The following MYO16 variants were observed in gnomAD, a reference collection of about 807,000 sequenced individuals.
MYO16 encodes the protein myosin XVI.
Under a neutral mutation model 205.3 loss-of-function variants are expected in MYO16, and 94 were observed. The ratio of observed to expected loss-of-function variants is 0.46; its 90% CI spans 0.39 to 0.54. The LOEUF (loss-of-function observed/expected upper bound fraction) is 0.54, where lower values mean the gene tolerates loss of function less well. Among genes scored for constraint, MYO16 ranks in the 20% least tolerant of loss-of-function variants. The probability of loss-of-function intolerance (pLI) is 0.00; values close to 1 mark genes in which losing one functional copy is unlikely to be tolerated. For synonymous variants in MYO16, 988 were observed against 954.0 expected, an observed-to-expected ratio of 1.04 and a Z score of -0.66; for missense variants, 2,315 against 2,387.5, an observed-to-expected ratio of 0.97 and a Z score of 0.63.
chr13:108,587,039 G>T, the MYO16 span, among the ~76,000 whole-genome samples: 1 of 152,292 alleles, frequency 6.6e-6, no homozygotes. Flanking sequence ...AAGGACAAAG[G>T]CTTTATTGGG....
intron 14 of MYO16, among the ~76,000 whole-genome samples, chr13:108,894,611 A>G (rs1880325660): frequency 6.6e-6 from 1 of 152,196 alleles, no homozygotes; most frequent in Non-Finnish European, 1.5e-5. Flanking sequence ...TTTGGTGATT[A>G]TATGCAGGTC....
intron 32 of MYO16, among the ~76,000 whole-genome samples, chr13:109,149,959 A>G (rs1877562699): frequency 6.6e-6 from 1 of 152,208 alleles, no homozygotes; most frequent in Non-Finnish European, 1.5e-5. Context: ...TCACTTGCAG[A>G]GTAGCCCAGC....
chr13:109,030,231 T>G (rs570689577), intron 23 of MYO16, among the ~76,000 whole-genome samples: 2 of 151,288 alleles, frequency 1.3e-5, no homozygotes, highest in Admixed American at 6.6e-5. Context: ...AAGCTCTTGC[T>G]TATAAATATT....
chr13:108,777,219 G>T (rs1345768926), intron 4 of MYO16, among the ~76,000 whole-genome samples: 1 of 152,102 alleles, frequency 6.6e-6, no homozygotes, highest in Non-Finnish European at 1.5e-5. Context: ...GTATTACTGT[G>T]CAATACTCAC....
chr13:108,769,597 T>C (rs1424969981), intron 4 of MYO16, among the ~76,000 whole-genome samples: 1 of 152,194 alleles, frequency 6.6e-6, no homozygotes, highest in Non-Finnish European at 1.5e-5. Context: ...GGCTGTGGTT[T>C]TGATAAACTA....
At chr13:108,802,275 C>T (rs1209878782) in intron 6 of MYO16, among the ~76,000 whole-genome samples, 1 of 152,146 alleles carries the variant, frequency 6.6e-6, no homozygotes, top group Non-Finnish European at 1.5e-5. Context: ...TGGCAACCAT[C>T]ATTCTTCTCT....
At chr13:109,146,075 G>A (rs918151189) in intron 32 of MYO16, among the ~76,000 whole-genome samples, 9 of 152,156 alleles carry the variant, frequency 5.9e-5, no homozygotes, top group African/African-American at 2.2e-4. Context: ...TATAGTAGGT[G>A]GCTATTAAAT....
Position 108,605,983 on chromosome 13 carries a change from A to G in MYO16, c.-39+9744A>G, listed in dbSNP as rs1878943940. On this transcript the variant is annotated intron_variant, in intron 1 of 24. Transcript: ENST00000251041. ...GAAGTCCAGGCTGAGGTAGTCTTAG[A>G]TGCAGATGAGGAACTTCTTGGGAAC... Among the ~76,000 whole-genome samples the G allele has an allele frequency of 2.6e-5, 4 of 152,296 alleles. No individual in the cohort carries two copies. The South Asian group carries it at 8.3e-4, about 32-fold the overall frequency.
intron 24 of MYO16, chr13:109,049,020 G>A (rs893987452): frequency 1.2e-4 from 16 of 138,194 alleles, no homozygotes; most frequent in African/African-American, 4.2e-4. Flanking sequence ...CACAGGAATA[G>A]AAAATTTTAG....
intron 1 of MYO16, among the ~76,000 whole-genome samples, chr13:108,630,457 G>T (rs16972815): frequency 0.04 from 6,022 of 152,246 alleles, 335 homozygotes; most frequent in African/African-American, 0.13. Context: ...TTTGTCACCA[G>T]GTTCTCTTTT....
intron 14 of MYO16, among the ~76,000 whole-genome samples, chr13:108,888,825 C>A (rs1036818486): frequency 6.6e-6 from 1 of 152,060 alleles, no homozygotes; most frequent in African/African-American, 2.4e-5. Flanking sequence ...GAGGCCGAGG[C>A]ATGTGAATCA....
intron 21 of MYO16, among the ~76,000 whole-genome samples, chr13:108,997,324 GAAAGAA>G (rs1885044282): frequency 3.8e-4 from 2 of 5,206 alleles, no homozygotes; most frequent in African/African-American, 1.8e-3. Flanking sequence ...AAGAAAGAAA[GAAAGAA>G]AGAAAGAAAG....
chr13:109,137,011 T>C (rs1265884773), intron 31 of MYO16, among the ~76,000 whole-genome samples: 1 of 152,200 alleles, frequency 6.6e-6, no homozygotes, highest in African/African-American at 2.4e-5. Context: ...AAGGAGCCTC[T>C]CTCATCACTG....
At chr13:108,532,569 G>T in the MYO16 span, among the ~76,000 whole-genome samples, 4 of 151,702 alleles carry the variant, frequency 2.6e-5, no homozygotes, top group Non-Finnish European at 5.9e-5. Context: ...GAGGTGGGAG[G>T]ATTGCTTGAA....
At chr13:109,027,701 G>C (rs1014122609) in intron 23 of MYO16, among the ~76,000 whole-genome samples, 1 of 152,100 alleles carries the variant, frequency 6.6e-6, no homozygotes, top group African/African-American at 2.4e-5. Context: ...AATTTGTCCT[G>C]AAGCTTAAGT....
chr13:108,607,736 G>A lies in MYO16; in HGVS notation c.-39+11497G>A, dbSNP rs116473721. Among the ~76,000 whole-genome samples the A allele has an allele frequency of 2.4e-3, 370 of 152,254 alleles. 1 individual carries two copies. Among genetic ancestry groups the A allele is most frequent in the African/African-American group, 8.4e-3 (350 of 41,558 alleles). On this transcript the variant is annotated intron_variant, in intron 1 of 24. Transcript: ENST00000251041. The stretch of plus-strand genomic sequence containing the variant: ...GTTGGTATAGAAAGAATGGAACCCC[G>A]ACACCTCCACTGCCTCTTGTGGAGC...
In MYO16 at chr13:109,100,839, C is replaced by G. The variant is rs149137447; in HGVS notation, c.3390C>G (p.Ala1130=). ...FLREKKEQSA[A]ERCRLVLQQC... ...GTGAGAAGAAGGAACAGTCAGCTGC[C>G]GAGCGATGTCGACTTGTTCTCCAGC... is the stretch of plus-strand genomic sequence containing the variant. Residue 1130 remains alanine, a synonymous_variant, in exon 28 of 35, where the codon GCC becomes GCG. Coordinates refer to ENST00000457511, the MANE Select transcript of MYO16 (RefSeq NM_001198950.3). The G allele has an allele frequency of 1.3e-5, 21 of 1,613,502 alleles. No individual in the cohort carries two copies. The highest frequency in any genetic ancestry group is 9.3e-5 in the African/African-American group (7 of 74,892).
At position 109,141,347 on chromosome 13, in the gene MYO16, C is replaced by G. The variant is rs751106008; in HGVS notation, c.5135C>G (p.Ala1712Gly). ...GGGAGGAGTGTGCTTCGGAAATCCG[C>G]GGCGGGAAGAAAAATCAGGGAAGCA... ...NSGRSVLRKS[A>G]AGRKIREAEG... The change falls in exon 32 of 35, where the codon GCG (alanine) becomes GGG (glycine). Residue 1712 changes from alanine to glycine, a missense_variant. Ala to Gly is a moderately conservative substitution (Grantham distance 60). This residue lies in a region of MYO16 where 1,097 missense variants were observed against 1,092.0 expected (regional missense o/e 1.00). Coordinates refer to ENST00000457511, the MANE Select transcript of MYO16 (RefSeq NM_001198950.3). This position sits in a 1 kb window ranked among gnomAD's most constrained non-coding sequence, Gnocchi z 4.1. The G allele has an allele frequency of 1.3e-6, 2 of 1,546,526 alleles. No homozygotes were observed. The highest frequency in any genetic ancestry group is 1.7e-6 in the Non-Finnish European group (2 of 1,150,668).
chr13:108,924,718 A>G (rs1881905845), intron 16 of MYO16, among the ~76,000 whole-genome samples: 2 of 152,120 alleles, frequency 1.3e-5, no homozygotes, highest in African/African-American at 4.8e-5. Flanking sequence ...TTGCCTGTGC[A>G]CACCCACAGG....
Sources: allele counts gnomAD v4.1 joint callset (sites outside exome capture counted in the v4.1 genomes callset), GRCh38; gene constraint gnomAD v4.1.1; regional missense constraint gnomAD v4.1.1; non-coding constraint Gnocchi (gnomAD v3.1); transcripts MANE v1.5; gene names NCBI Gene and HGNC (gene_info 2026-07-23, HGNC 2026-07-21).